The following DISC1 variants were observed in gnomAD, a reference collection of about 807,000 sequenced individuals.
DISC1 encodes the protein DISC1 scaffold protein, also known as disrupted in schizophrenia 1 protein.
A neutral mutation model predicts 84.5 loss-of-function variants in DISC1; 57 were observed. The ratio of observed to expected loss-of-function variants is 0.67; its 90% confidence interval spans 0.55 to 0.84. The LOEUF is 0.84. Among genes scored for constraint, DISC1 ranks in the 40% least tolerant of loss-of-function variants. The probability of loss-of-function intolerance (pLI) is 0.00; values close to 1 mark genes in which losing one functional copy is unlikely to be tolerated. For missense variants in DISC1, 1,000 were observed against 1,057.8 expected (o/e 0.95, Z 0.76); for synonymous variants, 411 against 415.2 (o/e 0.99, Z 0.12).
intron 1 of DISC1, among the ~76,000 whole-genome samples, chr1:231,667,622 G>A (rs2062140167): frequency 1.3e-5 from 2 of 152,096 alleles, no homozygotes; most frequent in African/African-American, 4.8e-5. Context: ...CAAATTCAAG[G>A]TGGTAAAGCA....
At chr1:231,867,430 G>T (rs1257506205) in intron 9 of DISC1, among the ~76,000 whole-genome samples, 5 of 152,182 alleles carry the variant, frequency 3.3e-5, no homozygotes, top group African/African-American at 1.2e-4. Context: ...GTAAAAAGTG[G>T]TTTGGAACTG....
intron 9 of DISC1, among the ~76,000 whole-genome samples, chr1:231,863,937 G>T (rs1250184026): frequency 6.6e-6 from 1 of 152,070 alleles, no homozygotes; most frequent in Non-Finnish European, 1.5e-5. Context: ...TGTGTCGCCT[G>T]AAGAGAAAAA....
At chr1:231,912,990 C>T (rs572209691) in intron 9 of DISC1, among the ~76,000 whole-genome samples, 222 of 151,956 alleles carry the variant, frequency 1.5e-3, no homozygotes, top group African/African-American at 5.0e-3. Context: ...TTACTGCAGC[C>T]TCCACCTCCC....
At chr1:231,759,526 C>CAAA (rs767431903) in intron 4 of DISC1, among the ~76,000 whole-genome samples, 616 of 48,190 alleles carry the variant, frequency 0.013, 21 homozygotes, top group Middle Eastern at 0.033. Flanking sequence ...CCCATCTCTA[C>CAAA]AAAAAAAAAA....
intron 9 of DISC1, among the ~76,000 whole-genome samples, chr1:231,869,551 G>C (rs1208444974): frequency 6.6e-6 from 1 of 151,886 alleles, no homozygotes; most frequent in South Asian, 2.1e-4. Flanking sequence ...TCTGCATCTG[G>C]TGAGGGCCTC....
chr1:231,837,204 CAA>C (rs1221552309), intron 9 of DISC1, among the ~76,000 whole-genome samples: 1 of 152,080 alleles, frequency 6.6e-6, no homozygotes, highest in Non-Finnish European at 1.5e-5. Context: ...CCATATGTTT[CAA>C]AGTCACTTGC....
At chr1:231,701,850 A>G in intron 2 of DISC1, 105 bp from the exon 3 acceptor site, 2 of 954,104 alleles carry the variant, frequency 2.1e-6, no homozygotes, top group South Asian at 3.7e-5. Context: ...AAGAGAATGA[A>G]GAAGTTCAGT....
At chr1:231,907,276 C>A (rs1369885915) in intron 9 of DISC1, among the ~76,000 whole-genome samples, 3 of 151,680 alleles carry the variant, frequency 2.0e-5, no homozygotes, top group African/African-American at 7.3e-5. Flanking sequence ...ATTAACTCAT[C>A]ATTTACATTA....
intron 1 of DISC1, among the ~76,000 whole-genome samples, chr1:231,681,857 C>T (rs1239446463): frequency 6.6e-6 from 1 of 152,216 alleles, no homozygotes; most frequent in Non-Finnish European, 1.5e-5. Flanking sequence ...TGCCATCATA[C>T]CCTGCTAATT....
At chr1:232,030,902 C>T (rs1454981460) in intron 12 of DISC1, among the ~76,000 whole-genome samples, 1 of 151,998 alleles carries the variant, frequency 6.6e-6, no homozygotes, top group African/African-American at 2.4e-5. Context: ...TGTTTGAGAC[C>T]AGGAGTTTGA....
At chr1:232,020,912 G>T (rs1377469078) in intron 11 of DISC1, among the ~76,000 whole-genome samples, 1 of 152,188 alleles carries the variant, frequency 6.6e-6, no homozygotes, top group African/African-American at 2.4e-5. Context: ...AAAGCCCACT[G>T]GTTTGAGAGA....
intron 9 of DISC1, among the ~76,000 whole-genome samples, chr1:231,923,977 G>A (rs1337979753): frequency 6.6e-6 from 1 of 152,178 alleles, no homozygotes; most frequent in Non-Finnish European, 1.5e-5. Flanking sequence ...GCATTCATTT[G>A]CATTCATTTG....
At chr1:231,760,429 AGG>A (rs2075556360) in intron 4 of DISC1, among the ~76,000 whole-genome samples, 1 of 152,184 alleles carries the variant, frequency 6.6e-6, no homozygotes, top group Admixed American at 6.5e-5. Context: ...AGTCATCAGT[AGG>A]GAGCAGCAAT....
At chr1:231,953,700 G>C (rs1173036004) in intron 9 of DISC1, among the ~76,000 whole-genome samples, 1 of 152,128 alleles carries the variant, frequency 6.6e-6, no homozygotes, top group Non-Finnish European at 1.5e-5. Context: ...ATGTAGGCCA[G>C]GTCTCACTTG....
intron 9 of DISC1, among the ~76,000 whole-genome samples, chr1:231,825,493 T>C (rs1221914642): frequency 6.6e-6 from 1 of 152,200 alleles, no homozygotes; most frequent in African/African-American, 2.4e-5. Flanking sequence ...TCACACACGC[T>C]CATATAATGT....
chr1:231,893,176 A>C (rs2087390965), intron 9 of DISC1, among the ~76,000 whole-genome samples: 1 of 152,124 alleles, frequency 6.6e-6, no homozygotes, highest in Non-Finnish European at 1.5e-5. Flanking sequence ...AAACAAAAAC[A>C]AAAAACAATG....
At chr1:231,798,956 T>C (rs7514199) in intron 7 of DISC1, among the ~76,000 whole-genome samples, 113,466 of 151,928 alleles carry the variant, frequency 0.75, 42,553 homozygotes, top group Admixed American at 0.78. Flanking sequence ...CCCACAAACC[T>C]TAGATTCTTC....
chr1:231,692,296 G>A (rs903531969), intron 1 of DISC1, among the ~76,000 whole-genome samples: 3 of 152,154 alleles, frequency 2.0e-5, no homozygotes, highest in Admixed American at 6.5e-5. Context: ...GCAAGCTTCC[G>A]GAATTCTTTG....
At chr1:231,863,977 G>C in intron 9 of DISC1, among the ~76,000 whole-genome samples, 1 of 152,158 alleles carries the variant, frequency 6.6e-6, no homozygotes, top group East Asian at 1.9e-4. Context: ...GGGGAGTTCT[G>C]TTTAGTGCCT....
Sources: gnomAD v4.1 joint callset for allele counts (sites outside exome capture counted in the v4.1 genomes callset) on GRCh38, gnomAD v4.1.1 for gene constraint, MANE v1.5 for transcripts, NCBI Gene and HGNC (gene_info 2026-07-23, HGNC 2026-07-21) for gene names.